Variants in UTP20 observed in about 807,000 individuals in gnomAD.
UTP20 encodes the protein small subunit processome component 20 homolog.
A neutral mutation model predicts 329.5 loss-of-function variants in UTP20; 164 were observed. The ratio of observed to expected loss-of-function variants is 0.50; its 90% CI spans 0.44 to 0.57. The LOEUF (loss-of-function observed/expected upper bound fraction) is 0.57. Among genes scored for constraint, UTP20 ranks in the 20% least tolerant of loss-of-function variants. The pLI is 0.00. For synonymous variants in UTP20, 1,151 were observed against 1,159.3 expected (o/e 0.99, Z 0.14); for missense variants, 3,055 against 3,284.2 (o/e 0.93, Z 1.71).
chr12:101,305,899 G>T lies in UTP20; in HGVS notation c.1782-16G>T. On this transcript the variant is annotated splice_polypyrimidine_tract_variant and intron_variant, in intron 15 of 61. Transcript: ENST00000261637. ...TTATATGGTACAGTTTGGGTCTAAT[G>T]AACATCTCGTTGCAGAACCTTTCCC... is the stretch of plus-strand genomic sequence containing the variant. 1 of 1,584,782 alleles carries T rather than the reference G, an allele frequency of 6.3e-7. No homozygotes were observed. Among genetic ancestry groups the T allele is most frequent in the South Asian group, 1.1e-5 (1 of 87,280 alleles).
intron 11 of UTP20, 105 bp downstream of exon 11, chr12:101,293,350 G>A (rs1398485797): frequency 1.0e-6 from 1 of 968,444 alleles, no homozygotes; most frequent in African/African-American, 1.6e-5. Flanking sequence ...GAGAGGAACA[G>A]GATAAGTGCT....
chr12:101,293,352 A>T lies in UTP20; in HGVS notation c.1251+107A>T. On this transcript the variant is annotated intron_variant, in intron 11 of 61. Coordinates refer to ENST00000261637, the MANE Select transcript of UTP20 (RefSeq NM_014503.3). ...CTGTTTGTTTTTTGAGAGGAACAGG[A>T]TAAGTGCTTGATGTTTTAGTCAATA... The T allele has an allele frequency of 5.2e-6, 5 of 958,324 alleles. No individual in the cohort carries two copies. In the South Asian group the frequency reaches 5.7e-5, roughly 11 times the overall value. The allele number at this position is 958,324 out of a possible 1,614,324, so 59.4% of individuals were successfully genotyped here. A position where few individuals can be genotyped will look rare whatever the true frequency, so the allele number is the denominator to read the frequency against.
chr12:101,382,892 C>T, intron 58 of UTP20, 149 bp from the exon 59 acceptor site: 1 of 867,484 alleles, frequency 1.2e-6, no homozygotes, highest in Non-Finnish European at 1.6e-6. Flanking sequence ...ATGGAGCCTT[C>T]ATCATTTAAT....
At chr12:101,365,403 C>T (rs1157156914) in intron 45 of UTP20, 56 bp from the exon 46 acceptor site, 1 of 1,344,864 alleles carries the variant, frequency 7.4e-7, no homozygotes, top group East Asian at 2.6e-5. Flanking sequence ...GCCATTATGA[C>T]AAATCAAAAT....
At chr12:101,352,747 C>T in intron 39 of UTP20, among the ~76,000 whole-genome samples, 1 of 150,018 alleles carries the variant, frequency 6.7e-6, no homozygotes, top group Non-Finnish European at 1.5e-5. Flanking sequence ...ACCAGCATGG[C>T]ACATGTATAC....
intron 48 of UTP20, 127 bp downstream of exon 48, chr12:101,368,103 G>T: frequency 2.9e-6 from 2 of 691,532 alleles, no homozygotes; most frequent in Non-Finnish European, 2.4e-6. Context: ...TTGTTTGGTT[G>T]GTGGGTTTTT....
intron 19 of UTP20, among the ~76,000 whole-genome samples, chr12:101,310,577 C>CAAAAAAAAA (rs549641642): frequency 0.23 from 9,984 of 43,426 alleles, 1,813 homozygotes; most frequent in East Asian, 0.66. Context: ...CTCTGTCTCC[C>CAAAAAAAAA]AAAAAAAAAA....
chr12:101,334,116 G>T (rs1868854763), intron 28 of UTP20, among the ~76,000 whole-genome samples: 1 of 152,212 alleles, frequency 6.6e-6, no homozygotes, highest in South Asian at 2.1e-4. Context: ...GGTATAGACT[G>T]AAGGAGAGAT....
chr12:101,336,358 A>T (rs182969793), intron 29 of UTP20, among the ~76,000 whole-genome samples: 1 of 152,180 alleles, frequency 6.6e-6, no homozygotes, highest in Non-Finnish European at 1.5e-5. Context: ...ATTAAAACAG[A>T]TTTTTCATCT....
chr12:101,372,863 C>G (rs1159828038), intron 51 of UTP20, 21 bp from the exon 52 acceptor site: 2 of 1,591,934 alleles, frequency 1.3e-6, no homozygotes, highest in African/African-American at 2.7e-5. Context: ...AAATAATCAT[C>G]TGTGTGACTT....
Position 101,307,073 on chromosome 12 carries a change from G to C in UTP20, c.1995+312G>C, listed in dbSNP as rs563520162. Reference sequence around the variant, plus strand: ...GGCACCTGTAGTCCCAGCTACTCGGGAGGCTGAGGCAGGAGAATGGTGTGA... The same window carrying C: ...GGCACCTGTAGTCCCAGCTACTCGGCAGGCTGAGGCAGGAGAATGGTGTGA... On this transcript the variant is annotated intron_variant, in intron 17 of 61. Coordinates refer to ENST00000261637, the MANE Select transcript of UTP20 (RefSeq NM_014503.3). Among the ~76,000 whole-genome samples, 260 of 151,714 alleles carry C rather than the reference G, an allele frequency of 1.7e-3. 1 individual carries two copies. Among genetic ancestry groups the C allele is most frequent in the African/African-American group, 6.1e-3 (251 of 41,372 alleles).
In UTP20 at chr12:101,373,465, C is replaced by T. The variant is rs1482021096; in HGVS notation, c.6943C>T (p.Pro2315Ser). 2 of 1,614,070 alleles carry T rather than the reference C, an allele frequency of 1.2e-6. No individual in the cohort carries two copies. The highest frequency in any genetic ancestry group is 1.3e-5 in the African/African-American group (1 of 74,904). The change falls in exon 53 of 62, where the codon CCT becomes TCT. Residue 2315 changes from proline to serine, a missense_variant. Pro to Ser is a moderately conservative substitution (Grantham distance 74, BLOSUM62 -1). This residue lies in a region of UTP20 where 273 missense variants were observed against 363.1 expected (regional missense o/e 0.75). Transcript: ENST00000261637. ...GATCGCCTATCTCTTTGACACGTTC[C>T]CTCAGGTACTGTGACCCCAGAGATA... ...EMIAYLFDTF[P>S]QGLLHENCGM...
chr12:101,280,556 A>C (rs1871763023), intron 1 of UTP20, among the ~76,000 whole-genome samples: 1 of 152,160 alleles, frequency 6.6e-6, no homozygotes, highest in African/African-American at 2.4e-5. Flanking sequence ...CAGTCCTGGG[A>C]ATTTCCTGTA....
In UTP20 at chr12:101,285,734, T is replaced by A. The variant is rs1871940713; in HGVS notation, c.194-15T>A. 6.2e-7 allele frequency: 1 copy of A among 1,613,190 alleles called. No individual in the cohort carries two copies. Among genetic ancestry groups the A allele is most frequent in the Admixed American group, 1.7e-5 (1 of 59,928 alleles). On this transcript the variant is annotated splice_polypyrimidine_tract_variant and intron_variant, in intron 3 of 61. Transcript: ENST00000261637. ...GTGTGATAGAAAAGAACATATTTTT[T>A]TTTCCCCCACTCAGGAAAATTTTAC...
chr12:101,321,045 T>G, intron 24 of UTP20, 108 bp downstream of exon 24: 1 of 980,104 alleles, frequency 1.0e-6, no homozygotes, highest in Non-Finnish European at 1.5e-6. Flanking sequence ...AAGTTTCCCT[T>G]TTTTCTGAGG....
At chr12:101,333,994 G>A (rs1868850007) in intron 28 of UTP20, among the ~76,000 whole-genome samples, 1 of 152,160 alleles carries the variant, frequency 6.6e-6, no homozygotes, top group South Asian at 2.1e-4. Context: ...ACCTCACATA[G>A]CGTTGCCTCT....
intron 5 of UTP20, among the ~76,000 whole-genome samples, chr12:101,287,060 T>C (rs1324995516): frequency 6.6e-6 from 1 of 152,164 alleles, no homozygotes; most frequent in Non-Finnish European, 1.5e-5. Flanking sequence ...AATTGTCTTA[T>C]TATCTGTTTA....
At chr12:101,346,757 T>A (rs1869338413) in intron 38 of UTP20, among the ~76,000 whole-genome samples, 169 bp downstream of exon 38, 1 of 152,226 alleles carries the variant, frequency 6.6e-6, no homozygotes, top group Admixed American at 6.5e-5. Flanking sequence ...AAATGCTATA[T>A]AAATGGTGGC....
intron 43 of UTP20, among the ~76,000 whole-genome samples, chr12:101,357,905 A>C (rs1200207851): frequency 1.3e-5 from 2 of 152,210 alleles, no homozygotes; most frequent in African/African-American, 4.8e-5. Context: ...AAGGTCCTAC[A>C]CCTGACCCTA....
Sources: gnomAD v4.1 joint callset for allele counts (sites outside exome capture counted in the v4.1 genomes callset) on GRCh38, gnomAD v4.1.1 for gene constraint, gnomAD v4.1.1 regional missense constraint, MANE v1.5 for transcripts, NCBI Gene and HGNC (gene_info 2026-07-23, HGNC 2026-07-21) for gene names.